GPR137C: variants seen among roughly 807,000 people sequenced by gnomAD.
The protein encoded by GPR137C is G protein-coupled receptor 137C.
GPR137C carries 27 observed loss-of-function variants against 43.4 expected under a neutral mutation model. The ratio of observed to expected loss-of-function variants is 0.62; its 90% CI spans 0.46 to 0.86. GPR137C has a LOEUF of 0.86. Ranked by LOEUF, GPR137C falls within the 40% of genes least tolerant of loss-of-function variation. GPR137C has a pLI of 0.00. For missense variants in GPR137C, 522 were observed against 534.6 expected, an observed-to-expected ratio of 0.98 and a Z score of 0.23; for synonymous variants, 285 against 226.9, an observed-to-expected ratio of 1.26 and a Z score of -2.30.
intron 1 of GPR137C, among the ~76,000 whole-genome samples, chr14:52,587,054 G>A (rs2038722441): frequency 1.3e-5 from 2 of 152,024 alleles, no homozygotes; most frequent in Non-Finnish European, 2.9e-5. Flanking sequence ...ATGACTGCTT[G>A]CCTCCAGCTT....
intron 1 of GPR137C, among the ~76,000 whole-genome samples, chr14:52,583,078 T>C (rs959673618): frequency 6.6e-6 from 1 of 152,150 alleles, no homozygotes; most frequent in African/African-American, 2.4e-5. Flanking sequence ...ATGGCCCATT[T>C]ATCCAGTTTT....
intron 1 of GPR137C, among the ~76,000 whole-genome samples, chr14:52,562,773 A>T (rs1042528761): frequency 6.6e-6 from 1 of 152,254 alleles, no homozygotes; most frequent in Non-Finnish European, 1.5e-5. Flanking sequence ...AACTAAATTT[A>T]CAACCTGGAA....
At chr14:52,559,489 C>G (rs1355791751) in intron 1 of GPR137C, among the ~76,000 whole-genome samples, 2 of 152,090 alleles carry the variant, frequency 1.3e-5, no homozygotes, top group Non-Finnish European at 2.9e-5. Context: ...AAGAATTTGA[C>G]AAAATTCAAC....
At chr14:52,593,704 A>G (rs1594794930) in intron 1 of GPR137C, among the ~76,000 whole-genome samples, 2 of 151,972 alleles carry the variant, frequency 1.3e-5, no homozygotes, top group African/African-American at 4.8e-5. Flanking sequence ...TGTTGCATCT[A>G]TTTGATTCTT....
intron 3 of GPR137C, among the ~76,000 whole-genome samples, chr14:52,623,025 T>C (rs900535644): frequency 6.6e-6 from 1 of 152,112 alleles, no homozygotes; most frequent in African/African-American, 2.4e-5. Flanking sequence ...ATCAACACAG[T>C]TGGCCCAGGA....
chr14:52,598,330 T>C lies in GPR137C; in HGVS notation c.488+15T>C, dbSNP rs1306129340. ...GACAGACACAAGTAAGTTTTATGAG[T>C]ATCTAAATTTCTATCTAAAAGATCT... On this transcript the variant is annotated intron_variant, in intron 2 of 6. Coordinates refer to ENST00000321662, the MANE Select transcript of GPR137C (RefSeq NM_001099652.2). The C allele has an allele frequency of 4.3e-6, 5 of 1,151,272 alleles. No individual in the cohort carries two copies. The African/African-American group carries it at 6.2e-5, about 14-fold the overall frequency. The allele number at this position is 1,151,272 out of a possible 1,614,324, so 71.3% of individuals were successfully genotyped here. A position where few individuals can be genotyped will look rare whatever the true frequency, so the allele number is the denominator to read the frequency against.
rs565213186 is a variant in GPR137C at position 52,605,560 on chromosome 14, CT to C, written c.717+5220del. 1.5e-3 allele frequency among the ~76,000 whole-genome samples: 231 copies of C among 152,272 alleles called. 2 individuals are homozygous for C. The highest frequency in any genetic ancestry group is 9.6e-3 in the Admixed American group (146 of 15,286). Reference sequence around the variant, plus strand: ...TATTTCTTTCTCTTGCCTAATTGCTCTGGCTTAGACTTCCAGTACTATGTTG... The same window carrying C: ...TATTTCTTTCTCTTGCCTAATTGCTCGGCTTAGACTTCCAGTACTATGTTG... On this transcript the variant is annotated intron_variant, in intron 3 of 6. Coordinates refer to ENST00000321662, the MANE Select transcript of GPR137C (RefSeq NM_001099652.2).
intron 3 of GPR137C, among the ~76,000 whole-genome samples, chr14:52,610,847 G>T (rs1484719607): frequency 6.6e-6 from 1 of 152,158 alleles, no homozygotes; most frequent in African/African-American, 2.4e-5. Context: ...GTTGAACCAG[G>T]ATTCAAACTC....
At chr14:52,603,596 G>A (rs931621780) in intron 3 of GPR137C, among the ~76,000 whole-genome samples, 4 of 152,154 alleles carry the variant, frequency 2.6e-5, no homozygotes, top group African/African-American at 4.8e-5. Flanking sequence ...TACAAGTGGC[G>A]CACTCTTGGT....
chr14:52,607,863 A>C (rs2038998718), intron 3 of GPR137C, among the ~76,000 whole-genome samples: 1 of 151,664 alleles, frequency 6.6e-6, no homozygotes, highest in Non-Finnish European at 1.5e-5. Context: ...CAGCAGAGCG[A>C]GACTCTGTCT....
intron 3 of GPR137C, among the ~76,000 whole-genome samples, chr14:52,624,893 T>C (rs1269070801): frequency 6.6e-6 from 1 of 152,146 alleles, no homozygotes; most frequent in African/African-American, 2.4e-5. Flanking sequence ...AAAGAGGGAC[T>C]ATCACTAAAC....
chr14:52,553,693 G>A, intron 1 of GPR137C, 102 bp downstream of exon 1: 1 of 929,952 alleles, frequency 1.1e-6, no homozygotes, highest in Non-Finnish European at 1.6e-6. Context: ...GGCAGCGAGA[G>A]GCGGACTGGA....
In GPR137C at chr14:52,625,317, A is replaced by C. The variant is rs190172593; in HGVS notation, c.718-6843A>C. 4.2e-3 allele frequency among the ~76,000 whole-genome samples: 637 copies of C among 151,870 alleles called. 9 individuals carry two copies. The highest frequency in any genetic ancestry group is 0.035 in the Admixed American group (529 of 15,254). On this transcript the variant is annotated intron_variant, in intron 3 of 6. Transcript: ENST00000321662. ...ACCAATATGGTAAAACCCCATCTCTACTAAAAATGCAAAAATGAGCCAGGC... is the reference window on the plus strand; with the variant it reads ...ACCAATATGGTAAAACCCCATCTCTCCTAAAAATGCAAAAATGAGCCAGGC...
chr14:52,556,052 A>G (rs1244585045), intron 1 of GPR137C, among the ~76,000 whole-genome samples: 2 of 152,216 alleles, frequency 1.3e-5, no homozygotes, highest in Non-Finnish European at 2.9e-5. Flanking sequence ...GCAAAGTGGT[A>G]GGGAAAGCCT....
At chr14:52,624,184 G>A (rs2039193463) in intron 3 of GPR137C, among the ~76,000 whole-genome samples, 2 of 147,898 alleles carry the variant, frequency 1.4e-5, no homozygotes, top group Admixed American at 1.3e-4. Context: ...TTTCCATGTA[G>A]GTGTGAGCAC....
chr14:52,617,949 G>A (rs183785277), intron 3 of GPR137C, among the ~76,000 whole-genome samples: 28 of 152,220 alleles, frequency 1.8e-4, no homozygotes, highest in Non-Finnish European at 3.5e-4. Context: ...CTAAAAAATT[G>A]CTTATAAATG....
chr14:52,574,005 A>T, intron 1 of GPR137C, among the ~76,000 whole-genome samples: 1 of 151,870 alleles, frequency 6.6e-6, no homozygotes, highest in African/African-American at 2.4e-5. Flanking sequence ...AATGCAAATC[A>T]AAACCACAAT....
chr14:52,633,527 C>T lies in GPR137C; in HGVS notation c.868-3C>T. On this transcript the variant is annotated splice_region_variant and splice_polypyrimidine_tract_variant and intron_variant, in intron 4 of 6. Transcript: ENST00000321662. Reference sequence around the variant, plus strand: ...AAAATTCTCTGCCATGCTCTATTTACAGGCTCATGTAGAAGACATAAGTGG... The same window carrying T: ...AAAATTCTCTGCCATGCTCTATTTATAGGCTCATGTAGAAGACATAAGTGG... The T allele has an allele frequency of 1.2e-6, 2 of 1,610,768 alleles. No homozygotes were observed. Among genetic ancestry groups the T allele is most frequent in the East Asian group, 2.2e-5 (1 of 44,836 alleles).
intron 1 of GPR137C, among the ~76,000 whole-genome samples, chr14:52,565,943 TAGTCTC>T (rs763227750): frequency 1.3e-5 from 2 of 152,148 alleles, no homozygotes; most frequent in Non-Finnish European, 2.9e-5. Context: ...GTAAAGTGGT[TAGTCTC>T]AGTGATATCT....
Sources: allele counts gnomAD v4.1 joint callset (sites outside exome capture counted in the v4.1 genomes callset), GRCh38; gene constraint gnomAD v4.1.1; transcripts MANE v1.5; gene names NCBI Gene and HGNC (gene_info 2026-07-23, HGNC 2026-07-21).